Variants in DYNC1H1 observed in about 807,000 individuals in gnomAD.
The protein encoded by DYNC1H1 is cytoplasmic dynein 1 heavy chain 1.
In DYNC1H1, 51 loss-of-function variants were observed where a neutral mutation model predicts 527.1. The observed-to-expected ratio is 0.10, with a 90% CI of 0.08 to 0.12. DYNC1H1 has a LOEUF of 0.12. DYNC1H1 is among the 10% of genes least tolerant of loss of function. The pLI, the probability that DYNC1H1 is intolerant of heterozygous loss-of-function variation, is 1.00. For missense variants in DYNC1H1, 2,771 were observed against 5,971.8 expected (o/e 0.46, Z 17.66); for synonymous variants, 2,189 against 2,278.8 (o/e 0.96, Z 1.12).
chr14:101,989,379 A>C (rs749097608), intron 10 of DYNC1H1, among the ~76,000 whole-genome samples: 1 of 152,250 alleles, frequency 6.6e-6, no homozygotes, highest in South Asian at 2.1e-4. Flanking sequence ...GTGGCAACAC[A>C]GTGGCCACCA....
At chr14:102,008,864 T>C (rs1022273101) in intron 29 of DYNC1H1, among the ~76,000 whole-genome samples, 2 of 152,218 alleles carry the variant, frequency 1.3e-5, no homozygotes, top group Admixed American at 6.5e-5. Context: ...GAGGTTTCTA[T>C]GTCCTAGGAC....
chr14:102,008,380 G>A, intron 29 of DYNC1H1, 43 bp downstream of exon 29: 1 of 1,609,546 alleles, frequency 6.2e-7, no homozygotes. Flanking sequence ...GAATGTAGAG[G>A]GAAATTCCCT....
intron 1 of DYNC1H1, among the ~76,000 whole-genome samples, chr14:101,968,070 C>T (rs140856279): frequency 2.0e-5 from 3 of 152,218 alleles, no homozygotes; most frequent in Non-Finnish European, 2.9e-5. Context: ...ATGTTAATGA[C>T]GTTTTTGTAG....
rs749004964 is a variant in DYNC1H1 at position 102,017,397 on chromosome 14, A to T, written c.8070A>T (p.Gly2690=). The T allele has an allele frequency of 6.2e-7, 1 of 1,614,176 alleles. No homozygotes were observed. Among genetic ancestry groups the T allele is most frequent in the South Asian group, 1.1e-5 (1 of 91,088 alleles). The change falls in exon 40 of 78, where the codon GGA becomes GGT. Residue 2690 remains glycine, a synonymous_variant. Coordinates refer to ENST00000360184, the MANE Select transcript of DYNC1H1 (RefSeq NM_001376.5). The surrounding 1 kb of genome is among the most constrained non-coding windows in gnomAD (Gnocchi z 4.6). ...CCTTCCTTCAGATGGTGGAGCACGG[A>T]GGCTTTTACCGTACCTCAGATCAAA... is the stretch of plus-strand genomic sequence containing the variant. The part of the protein sequence containing the change: ...ISFIRQMVEH[G]GFYRTSDQTW...
At chr14:102,047,643 A>ATATATATATATATG (rs1260822246) in intron 72 of DYNC1H1, 174 bp from the exon 73 acceptor site, 1 of 139,272 alleles carries the variant, frequency 7.2e-6, no homozygotes, top group Admixed American at 7.9e-5. Context: ...GTGTGTGTGT[A>ATATATATATATATG]TATATATATA....
intron 34 of DYNC1H1, among the ~76,000 whole-genome samples, chr14:102,013,641 C>T (rs914810679): frequency 1.3e-5 from 2 of 152,006 alleles, no homozygotes; most frequent in Admixed American, 6.6e-5. Context: ...AGGTCATTGT[C>T]GGGGGTGTGA....
In DYNC1H1 at chr14:102,010,218, C is replaced by T. The variant is rs1429734883; in HGVS notation, c.6222-58C>T. 6.2e-7 allele frequency: 1 copy of T among 1,612,592 alleles called. No homozygotes were observed. The highest frequency in any genetic ancestry group is 8.5e-7 in the Non-Finnish European group (1 of 1,179,586). On this transcript the variant is annotated intron_variant, in intron 30 of 77. Coordinates refer to ENST00000360184, the MANE Select transcript of DYNC1H1 (RefSeq NM_001376.5). This position sits in a 1 kb window ranked among gnomAD's most constrained non-coding sequence, Gnocchi z 6.0. ...CATCTCTGGTTTCTTGACACTTGAC[C>T]CTATTATTGCTTAAAGTATACTGTT... is the stretch of plus-strand genomic sequence containing the variant.
intron 43 of DYNC1H1, 94 bp downstream of exon 43, chr14:102,022,974 A>G (rs962209624): frequency 1.9e-6 from 3 of 1,583,504 alleles, no homozygotes; most frequent in African/African-American, 2.7e-5. Context: ...ACTCAAAAAT[A>G]TCTTTAGGCT....
chr14:102,040,630 G>A lies in DYNC1H1; in HGVS notation c.11898G>A (p.Pro3966=), dbSNP rs777166781. Residue 3966 remains proline (P), a synonymous_variant, in exon 64 of 78, where the codon CCG becomes CCA. Coordinates refer to ENST00000360184, the MANE Select transcript of DYNC1H1 (RefSeq NM_001376.5). ...GCATCTGGCTGGACAGCAGCTCCCCGGAGCAGACTGTGCCCTACCTCTGGA... is the reference window on the plus strand; with the variant it reads ...GCATCTGGCTGGACAGCAGCTCCCCAGAGCAGACTGTGCCCTACCTCTGGA... ...QFGIWLDSSS[P]EQTVPYLWSE... is the part of the protein sequence containing the mutation. The A allele has an allele frequency of 5.6e-6, 9 of 1,614,184 alleles. No individual in the cohort carries two copies. Among genetic ancestry groups the A allele is most frequent in the East Asian group, 4.5e-5 (2 of 44,892 alleles).
Position 101,986,184 on chromosome 14 carries a change from G to A in DYNC1H1, c.1959G>A (p.Gln653=), listed in dbSNP as rs749204234. The A allele has an allele frequency of 1.2e-6, 2 of 1,614,192 alleles. No homozygotes were observed. Among genetic ancestry groups the A allele is most frequent in the South Asian group, 2.2e-5 (2 of 91,082 alleles). Residue 653 remains glutamine, a synonymous_variant, in exon 8 of 78, where the codon CAG becomes CAA. Transcript: ENST00000360184. This position sits in a 1 kb window ranked among gnomAD's most constrained non-coding sequence, Gnocchi z 8.7. ...PVSGSIIWAK[Q]IDRQLTAYMK... is the part of the protein sequence containing the mutation. ...CAGGGTCTATCATCTGGGCTAAACA[G>A]ATCGACAGGCAGCTGACGGCCTACA...
chr14:102,049,227 C>T lies in DYNC1H1; in HGVS notation c.13373-213C>T, dbSNP rs146694001. The T allele has an allele frequency of 3.0e-3, 1,962 of 645,348 alleles. 8 individuals carry two copies. The highest frequency in any genetic ancestry group is 5.0e-3 in the Middle Eastern group (12 of 2,394). 40.0% of individuals were successfully genotyped at this position (645,348 alleles called of 1,614,324 possible). Reference sequence around the variant, plus strand: ...GACTAATTTGACCCTAGAAACTGCACGGTTCTGAGACATGCTCTGGACCAG... The same window carrying T: ...GACTAATTTGACCCTAGAAACTGCATGGTTCTGAGACATGCTCTGGACCAG... On this transcript the variant is annotated intron_variant, in intron 74 of 77. Coordinates refer to ENST00000360184, the MANE Select transcript of DYNC1H1 (RefSeq NM_001376.5). The surrounding 1 kb of genome is among the most constrained non-coding windows in gnomAD (Gnocchi z 5.5).
Position 101,997,384 on chromosome 14 carries a change from A to C in DYNC1H1, c.3804+110A>C. ...CTGTGACTGAGCTTTCTAGTATTGA[A>C]GACTCTTTTCCTTTTTGTAGTTAAA... is the stretch of plus-strand genomic sequence containing the variant. On this transcript the variant is annotated intron_variant, in intron 16 of 77. Coordinates refer to ENST00000360184, the MANE Select transcript of DYNC1H1 (RefSeq NM_001376.5). The surrounding 1 kb of genome is among the most constrained non-coding windows in gnomAD (Gnocchi z 4.8). 1 of 1,557,620 alleles carries C rather than the reference A, an allele frequency of 6.4e-7. No individual in the cohort carries two copies. Among genetic ancestry groups the C allele is most frequent in the East Asian group, 2.3e-5 (1 of 43,006 alleles).
rs781223260 is a variant in DYNC1H1 at position 102,041,980 on chromosome 14, C to T, written c.12103-33C>T. On this transcript the variant is annotated intron_variant, in intron 65 of 77. Transcript: ENST00000360184. The surrounding 1 kb of genome is among the most constrained non-coding windows in gnomAD (Gnocchi z 4.5). Reference sequence around the variant, plus strand: ...TTGACAGGTACACACTATTTGCTGGCACTGTAATAACTTCTGCCTTCTTTG... The same window carrying T: ...TTGACAGGTACACACTATTTGCTGGTACTGTAATAACTTCTGCCTTCTTTG... 6.2e-7 allele frequency: 1 copy of T among 1,605,242 alleles called. No homozygotes were observed. Among genetic ancestry groups the T allele is most frequent in the Admixed American group, 1.7e-5 (1 of 59,916 alleles).
intron 7 of DYNC1H1, among the ~76,000 whole-genome samples, chr14:101,984,443 A>ATT (rs1566998423): frequency 6.2e-5 from 7 of 113,472 alleles, no homozygotes; most frequent in South Asian, 5.1e-4. Context: ...ATATATATAT[A>ATT]TATTATATTT....
chr14:101,992,932 C>T (rs2048014950), intron 11 of DYNC1H1, among the ~76,000 whole-genome samples: 1 of 152,186 alleles, frequency 6.6e-6, no homozygotes, highest in Admixed American at 6.5e-5. Flanking sequence ...CTCCTGTGCA[C>T]TCTCATTGTG....
Position 102,010,027 on chromosome 14 carries a change from G to C in DYNC1H1, c.6162G>C (p.Leu2054=), listed in dbSNP as rs1410944537. ...GGCAGTTAATCGCCCAGGTCATGCTGTACTCACAGGGTTTCCGCACTGCTG... is the reference window on the plus strand; with the variant it reads ...GGCAGTTAATCGCCCAGGTCATGCTCTACTCACAGGGTTTCCGCACTGCTG... ...PDRQLIAQVM[L]YSQGFRTAEV... is the part of the protein sequence containing the mutation. Residue 2054 remains leucine, a synonymous_variant, in exon 30 of 78, where the codon CTG becomes CTC. Transcript: ENST00000360184. This position sits in a 1 kb window ranked among gnomAD's most constrained non-coding sequence, Gnocchi z 6.0. 7 of 1,613,908 alleles carry C rather than the reference G, an allele frequency of 4.3e-6. No individual in the cohort carries two copies. The highest frequency in any genetic ancestry group is 5.9e-6 in the Non-Finnish European group (7 of 1,180,038).
chr14:102,019,988 G>A lies in DYNC1H1; in HGVS notation c.8439G>A (p.Leu2813=). 1 of 1,614,190 alleles carries A rather than the reference G, an allele frequency of 6.2e-7. No homozygotes were observed. Among genetic ancestry groups the A allele is most frequent in the African/African-American group, 1.3e-5 (1 of 75,034 alleles). Residue 2813 remains leucine (L), a synonymous_variant, in exon 42 of 78, where the codon CTG becomes CTA. Transcript: ENST00000360184. ...GCATCTTTGAAGCGCTGAGACCTCT[G>A]GAGACCCTGCCTGTTGAAGGCCTCA... The part of the protein sequence containing the change: ...VRGIFEALRP[L]ETLPVEGLIR...
At position 102,010,506 on chromosome 14, in the gene DYNC1H1, A is replaced by G. The variant is rs754385898; in HGVS notation, c.6405+47A>G. 4.4e-6 allele frequency: 7 copies of G among 1,603,968 alleles called. No individual in the cohort carries two copies. Among genetic ancestry groups the G allele is most frequent in the Non-Finnish European group, 8.5e-7 (1 of 1,175,124 alleles). ...CACTCAAACCTTATACGTTATTTAA[A>G]TTTACCTTTTTAACATTTAAGCCAT... On this transcript the variant is annotated intron_variant, in intron 31 of 77. Coordinates refer to ENST00000360184, the MANE Select transcript of DYNC1H1 (RefSeq NM_001376.5). The surrounding 1 kb of genome is among the most constrained non-coding windows in gnomAD (Gnocchi z 6.0).
In DYNC1H1 at chr14:101,964,980, C is replaced by G. The variant is rs1192180211; in HGVS notation, c.256+33C>G. 5.6e-5 allele frequency: 88 copies of G among 1,569,926 alleles called. No individual in the cohort carries two copies. The highest frequency in any genetic ancestry group is 7.6e-5 in the Non-Finnish European group (88 of 1,159,036). The stretch of plus-strand genomic sequence containing the variant: ...GCCGCGGAGGGCAGGGTCGCCAGAG[C>G]CAGGCCTCGCGGAATGCAGGGCCTG... On this transcript the variant is annotated intron_variant, in intron 1 of 77. Transcript: ENST00000360184. The surrounding 1 kb of genome is among the most constrained non-coding windows in gnomAD (Gnocchi z 5.5).
Sources: allele counts gnomAD v4.1 joint callset (sites outside exome capture counted in the v4.1 genomes callset), GRCh38; gene constraint gnomAD v4.1.1; non-coding constraint Gnocchi (gnomAD v3.1); transcripts MANE v1.5; gene names NCBI Gene and HGNC (gene_info 2026-07-23, HGNC 2026-07-21).